DENND5B: variants seen among roughly 807,000 people sequenced by gnomAD.
The protein encoded by DENND5B is DENN domain-containing protein 5B.
A neutral mutation model predicts 140.6 loss-of-function variants in DENND5B; 34 were observed. The ratio of observed to expected loss-of-function variants is 0.24; its 90% CI spans 0.18 to 0.32. The LOEUF is 0.32. Among genes scored for constraint, DENND5B ranks in the 10% least tolerant of loss-of-function variants. The pLI, the probability that DENND5B is intolerant of heterozygous loss-of-function variation, is 1.00. For missense variants in DENND5B, 1,142 were observed against 1,560.2 expected (o/e 0.73, Z 4.52); for synonymous variants, 551 against 562.1 (o/e 0.98, Z 0.28).
In DENND5B at chr12:31,423,621, G is replaced by C; in HGVS notation, c.2446C>G (p.Gln816Glu). The change falls in exon 11 of 21, where the codon CAA becomes GAA. Residue 816 changes from glutamine to glutamate, a missense_variant. Gln to Glu is a conservative substitution (Grantham distance 29). This residue lies in a region of DENND5B where 268 missense variants were observed against 349.2 expected (regional missense o/e 0.77). Coordinates refer to ENST00000389082, the MANE Select transcript of DENND5B (RefSeq NM_144973.4). ...CCTGGTGATTCTGCAAGGTGCTCTT[G>C]TTTCTCTTCTCTGTCCTGAAATTGA... The part of the protein sequence containing the change: ...LIQFQDREEK[Q>E]EHLAESPVAL... The C allele has an allele frequency of 6.2e-7, 1 of 1,613,884 alleles. No homozygotes were observed. The highest frequency in any genetic ancestry group is 1.1e-5 in the South Asian group (1 of 91,072).
At chr12:31,490,582 G>A (rs919547514) in intron 2 of DENND5B, among the ~76,000 whole-genome samples, 1 of 151,152 alleles carries the variant, frequency 6.6e-6, no homozygotes, top group Non-Finnish European at 1.5e-5. Flanking sequence ...GTGCACTCCA[G>A]TCTGGATGAC....
intron 1 of DENND5B, among the ~76,000 whole-genome samples, chr12:31,566,179 T>C (rs561947054): frequency 6.6e-6 from 1 of 151,910 alleles, no homozygotes; most frequent in East Asian, 1.9e-4. Context: ...TTGAAGCCAG[T>C]CATGGTGGTG....
At chr12:31,403,034 G>A (rs1941895174) in intron 14 of DENND5B, among the ~76,000 whole-genome samples, 1 of 152,150 alleles carries the variant, frequency 6.6e-6, no homozygotes, top group Non-Finnish European at 1.5e-5. Flanking sequence ...GAATAGAAAT[G>A]AACATGATTA....
chr12:31,574,319 G>A (rs955726803), intron 1 of DENND5B, among the ~76,000 whole-genome samples: 9 of 126,720 alleles, frequency 7.1e-5, no homozygotes, highest in Non-Finnish European at 1.0e-4. Context: ...GTGGCCAGGC[G>A]CGGTGGCTCC....
At chr12:31,511,818 C>T (rs1453777942) in intron 1 of DENND5B, among the ~76,000 whole-genome samples, 3 of 150,648 alleles carry the variant, frequency 2.0e-5, no homozygotes, top group Admixed American at 6.6e-5. Context: ...TTTTAAGTCA[C>T]TTATTTAAAA....
chr12:31,521,103 CTTT>C (rs1178531393), intron 1 of DENND5B, among the ~76,000 whole-genome samples: 1 of 139,586 alleles, frequency 7.2e-6, no homozygotes, highest in Non-Finnish European at 1.6e-5. Flanking sequence ...TAAAGTTGGT[CTTT>C]TTTTTTTTTT....
At chr12:31,417,356 C>CAAAA (rs767142927) in intron 11 of DENND5B, among the ~76,000 whole-genome samples, 590 of 40,110 alleles carry the variant, frequency 0.015, 12 homozygotes, top group East Asian at 0.032. Context: ...GACTCTGTCT[C>CAAAA]AAAAAAAAAA....
At chr12:31,547,687 AC>A (rs1948909497) in intron 1 of DENND5B, among the ~76,000 whole-genome samples, 1 of 151,920 alleles carries the variant, frequency 6.6e-6, no homozygotes, top group Admixed American at 6.6e-5. Flanking sequence ...AAACCACTGC[AC>A]CCGGCCTCAA....
chr12:31,399,013 T>G (rs1941638610), intron 16 of DENND5B, among the ~76,000 whole-genome samples: 1 of 149,902 alleles, frequency 6.7e-6, no homozygotes, highest in Admixed American at 6.7e-5. Flanking sequence ...TCCCAGCTAC[T>G]CGGGAGGCTG....
chr12:31,408,776 A>G (rs572255122), intron 14 of DENND5B, among the ~76,000 whole-genome samples: 1 of 152,196 alleles, frequency 6.6e-6, no homozygotes, highest in Non-Finnish European at 1.5e-5. Flanking sequence ...TTAATAAAAC[A>G]TTCCTTTTCT....
In DENND5B at chr12:31,387,470, G is replaced by C. The variant is rs1940901473; in HGVS notation, c.*133C>G. ...AATACAACATTTTGCCTTGTCTGTA[G>C]AGTGAGGATTGTTCCAAATGGGGCA... On this transcript the variant is annotated 3_prime_UTR_variant, in exon 21 of 21. Transcript: ENST00000389082. The C allele has an allele frequency of 2.3e-6, 2 of 860,226 alleles. No individual in the cohort carries two copies. The highest frequency in any genetic ancestry group is 3.4e-5 in the African/African-American group (2 of 58,884). The allele number at this position is 860,226 out of a possible 1,614,324, so 53.3% of individuals were successfully genotyped here. A position where few individuals can be genotyped will look rare whatever the true frequency, so the allele number is the denominator to read the frequency against.
intron 1 of DENND5B, among the ~76,000 whole-genome samples, chr12:31,524,977 A>G (rs1224869534): frequency 6.6e-6 from 1 of 152,240 alleles, no homozygotes; most frequent in Admixed American, 6.5e-5. Context: ...AGGCACATGA[A>G]AAGATGCAAC....
chr12:31,519,365 C>T (rs374357225), intron 1 of DENND5B, among the ~76,000 whole-genome samples: 4 of 152,064 alleles, frequency 2.6e-5, no homozygotes, highest in East Asian at 3.9e-4. Flanking sequence ...AACAGATGTG[C>T]ATAATGACAC....
At chr12:31,462,663 T>TA (rs1482538915) in intron 3 of DENND5B, among the ~76,000 whole-genome samples, 1 of 151,804 alleles carries the variant, frequency 6.6e-6, no homozygotes, top group Non-Finnish European at 1.5e-5. Context: ...CCTAACAAAA[T>TA]ACAAAAAAAG....
intron 1 of DENND5B, among the ~76,000 whole-genome samples, chr12:31,513,512 T>C (rs1050793102): frequency 1.3e-5 from 2 of 152,240 alleles, no homozygotes; most frequent in African/African-American, 4.8e-5. Flanking sequence ...TACATCAGTA[T>C]GGACTCATGC....
chr12:31,412,402 C>T (rs1448658161), intron 13 of DENND5B, among the ~76,000 whole-genome samples: 3 of 152,122 alleles, frequency 2.0e-5, no homozygotes, highest in Admixed American at 6.6e-5. Flanking sequence ...CCATGGCTGT[C>T]GCAGGGGCTG....
chr12:31,524,374 C>G (rs187601301), intron 1 of DENND5B, among the ~76,000 whole-genome samples: 1 of 152,118 alleles, frequency 6.6e-6, no homozygotes, highest in African/African-American at 2.4e-5. Context: ...CTGGTTGGGA[C>G]GGGCACGGTG....
chr12:31,553,568 G>A (rs1313996755), intron 1 of DENND5B, among the ~76,000 whole-genome samples: 5 of 152,190 alleles, frequency 3.3e-5, no homozygotes, highest in Non-Finnish European at 4.4e-5. Context: ...TTCTGTAGAT[G>A]TCTATTAGGT....
intron 4 of DENND5B, among the ~76,000 whole-genome samples, chr12:31,457,185 T>C (rs952660442): frequency 6.6e-6 from 1 of 152,264 alleles, no homozygotes; most frequent in Admixed American, 6.5e-5. Flanking sequence ...TGTCTACCAG[T>C]TACTGTGAAG....
Sources: allele counts gnomAD v4.1 joint callset (sites outside exome capture counted in the v4.1 genomes callset), GRCh38; gene constraint gnomAD v4.1.1; regional missense constraint gnomAD v4.1.1; transcripts MANE v1.5; gene names NCBI Gene and HGNC (gene_info 2026-07-23, HGNC 2026-07-21).